The following PHYHIPL variants were observed in gnomAD, a reference collection of about 807,000 sequenced individuals.
PHYHIPL encodes the protein phytanoyl-CoA hydroxylase-interacting protein-like.
PHYHIPL carries 9 observed loss-of-function variants against 33.4 expected under a neutral mutation model. The ratio of observed to expected loss-of-function variants is 0.27; its 90% CI spans 0.16 to 0.47. The LOEUF (loss-of-function observed/expected upper bound fraction) is 0.47. Ranked by LOEUF, PHYHIPL falls within the 20% of genes least tolerant of loss-of-function variation. The pLI is 0.99. For missense variants in PHYHIPL, 365 were observed against 460.7 expected (o/e 0.79, Z 1.90); for synonymous variants, 153 against 154.1 (o/e 0.99, Z 0.05).
chr10:59,194,216 G>A (rs1838852316), intron 1 of PHYHIPL, among the ~76,000 whole-genome samples: 1 of 150,976 alleles, frequency 6.6e-6, no homozygotes, highest in Non-Finnish European at 1.5e-5. Flanking sequence ...TGAGTAGCTG[G>A]GATTACAGGT....
chr10:59,200,293 T>G (rs1327484857), intron 1 of PHYHIPL, among the ~76,000 whole-genome samples: 1 of 152,202 alleles, frequency 6.6e-6, no homozygotes, highest in African/African-American at 2.4e-5. Flanking sequence ...TCAAAGGCCT[T>G]TTCTGCATCT....
rs201658189 is a variant in PHYHIPL, at chr10:59,247,659, T to C, written c.*2068T>C. On this transcript the variant is annotated 3_prime_UTR_variant, in exon 5 of 5. Coordinates refer to ENST00000373880, the MANE Select transcript of PHYHIPL (RefSeq NM_032439.4). ...CTTGCTTGCTGATGAGGACCTCTAA[T>C]AGTCTCAGTTTGGCTTTTATGTGCT... 6.2e-7 allele frequency: 1 copy of C among 1,613,590 alleles called. No homozygotes were observed. Among genetic ancestry groups the C allele is most frequent in the Admixed American group, 1.7e-5 (1 of 60,008 alleles).
chr10:59,180,200 C>G (rs917872453), intron 1 of PHYHIPL, among the ~76,000 whole-genome samples: 1 of 147,586 alleles, frequency 6.8e-6, no homozygotes, highest in Non-Finnish European at 1.5e-5. Flanking sequence ...AAAACAGCTC[C>G]CACCCCACAC....
intron 1 of PHYHIPL, among the ~76,000 whole-genome samples, chr10:59,180,177 C>A (rs1303785007): frequency 6.7e-6 from 1 of 149,022 alleles, no homozygotes; most frequent in Non-Finnish European, 1.5e-5. Context: ...CCTTCACTGA[C>A]CTGTGACAAG....
intron 1 of PHYHIPL, among the ~76,000 whole-genome samples, chr10:59,189,637 G>A (rs548142320): frequency 6.6e-6 from 1 of 151,842 alleles, no homozygotes; most frequent in African/African-American, 2.4e-5. Flanking sequence ...TTGGATTCTG[G>A]GTTCAAAGGA....
At position 59,176,789 on chromosome 10, in the gene PHYHIPL, T is replaced by G; in HGVS notation, c.-65T>G. On this transcript the variant is annotated 5_prime_UTR_variant, in exon 1 of 5. Coordinates refer to ENST00000373880, the MANE Select transcript of PHYHIPL (RefSeq NM_032439.4). ...CTCCCCCTCCCTTTCCCGCTCTTCT[T>G]GCCCACCCGGCCGGCAGAGAGAGCC... 6.9e-7 allele frequency: 1 copy of G among 1,450,212 alleles called. No individual in the cohort carries two copies. Among genetic ancestry groups the G allele is most frequent in the Non-Finnish European group, 9.5e-7 (1 of 1,057,276 alleles). 89.8% of individuals were successfully genotyped at this position (1,450,212 alleles called of 1,614,324 possible).
rs2133221492 is a variant in PHYHIPL at position 59,202,770 on chromosome 10, G to C, written c.106+25811G>C. Among the ~76,000 whole-genome samples the C allele has an allele frequency of 2.0e-5, 3 of 152,298 alleles. No individual in the cohort carries two copies. The Middle Eastern group carries it at 0.01, about 518-fold the overall frequency. Reference sequence around the variant, plus strand: ...TCTAATTTCATATAGCTATTAAACAGCAGAGTCAGGATTTGAACCAGTTTG... The same window carrying C: ...TCTAATTTCATATAGCTATTAAACACCAGAGTCAGGATTTGAACCAGTTTG... On this transcript the variant is annotated intron_variant, in intron 1 of 4. Transcript: ENST00000373880.
At chr10:59,218,413 A>T (rs1455015290) in intron 1 of PHYHIPL, among the ~76,000 whole-genome samples, 1 of 152,188 alleles carries the variant, frequency 6.6e-6, no homozygotes, top group East Asian at 1.9e-4. Flanking sequence ...TCTTTAGATC[A>T]TAGAGCTCCA....
chr10:59,224,497 A>AAACACAACAC (rs370140471), intron 1 of PHYHIPL, among the ~76,000 whole-genome samples: 4 of 70,410 alleles, frequency 5.7e-5, no homozygotes, highest in South Asian at 7.1e-4. Context: ...AAACAAAACA[A>AAACACAACAC]AAAACAAAAC....
chr10:59,175,471 CA>C (rs1838233116), upstream of PHYHIPL, among the ~76,000 whole-genome samples: 1 of 152,106 alleles, frequency 6.6e-6, no homozygotes, highest in African/African-American at 2.4e-5. Context: ...TGTTGGTTAA[CA>C]TTTATGTTTG....
At chr10:59,212,687 AGTG>A (rs1413534056) in intron 1 of PHYHIPL, among the ~76,000 whole-genome samples, 1 of 152,148 alleles carries the variant, frequency 6.6e-6, no homozygotes, top group East Asian at 1.9e-4. Context: ...TGGGGAAGAG[AGTG>A]GTGGGAGTCT....
intron 1 of PHYHIPL, chr10:59,206,673 G>A (rs905329371): frequency 9.5e-6 from 4 of 423,150 alleles, no homozygotes; most frequent in African/African-American, 8.5e-5. Context: ...ATTCAAATTT[G>A]TATATTGGTA....
upstream of PHYHIPL, among the ~76,000 whole-genome samples, chr10:59,174,473 T>G (rs1838217994): frequency 6.6e-6 from 1 of 152,194 alleles, no homozygotes; most frequent in Admixed American, 6.5e-5. Flanking sequence ...TGCCTCGATT[T>G]GAAGCCTAAA....
chr10:59,227,254 T>C (rs1026205488), intron 1 of PHYHIPL, among the ~76,000 whole-genome samples: 2 of 152,136 alleles, frequency 1.3e-5, no homozygotes, highest in African/African-American at 4.8e-5. Flanking sequence ...CTAGCTAGCT[T>C]CTGGTGAGGG....
At chr10:59,192,726 C>G (rs1207955505) in intron 1 of PHYHIPL, among the ~76,000 whole-genome samples, 3 of 152,152 alleles carry the variant, frequency 2.0e-5, no homozygotes, top group Non-Finnish European at 4.4e-5. Flanking sequence ...ACTTTGTGAT[C>G]AAACTGGAAG....
chr10:59,186,319 G>A (rs1838600461), intron 1 of PHYHIPL, among the ~76,000 whole-genome samples: 1 of 152,056 alleles, frequency 6.6e-6, no homozygotes, highest in Non-Finnish European at 1.5e-5. Flanking sequence ...TGTTCCATTG[G>A]TCTCTATCTC....
chr10:59,206,312 C>T (rs1400905834), intron 1 of PHYHIPL, among the ~76,000 whole-genome samples: 3 of 152,282 alleles, frequency 2.0e-5, no homozygotes, highest in Admixed American at 6.5e-5. Flanking sequence ...ACTTATACTG[C>T]GTGTCATACT....
chr10:59,175,921 G>T (rs1312009183), upstream of PHYHIPL, among the ~76,000 whole-genome samples: 1 of 152,220 alleles, frequency 6.6e-6, no homozygotes, highest in East Asian at 1.9e-4. Flanking sequence ...CTGGTCCCGT[G>T]GCTGCTGGCC....
intron 1 of PHYHIPL, chr10:59,177,629 T>C (rs752576702): frequency 1.9e-6 from 3 of 1,551,470 alleles, no homozygotes; most frequent in Middle Eastern, 1.7e-4. Context: ...GTACGTACCA[T>C]TGCGTGTTGA....
Sources: gnomAD v4.1 joint callset for allele counts (sites outside exome capture counted in the v4.1 genomes callset) on GRCh38, gnomAD v4.1.1 for gene constraint, MANE v1.5 for transcripts, NCBI Gene and HGNC (gene_info 2026-07-23, HGNC 2026-07-21) for gene names.